RCL1: variants seen among roughly 807,000 people sequenced by gnomAD.
RCL1 encodes RNA 3'-terminal phosphate cyclase-like protein.
Under a neutral mutation model 42.4 loss-of-function variants are expected in RCL1, and 24 were observed. That is an observed-to-expected ratio of 0.57 (90% CI 0.41 to 0.80). The LOEUF (loss-of-function observed/expected upper bound fraction) is 0.80, where lower values mean the gene tolerates loss of function less well. RCL1 is among the 30% of genes least tolerant of loss of function. RCL1 has a pLI of 0.00. For missense variants in RCL1, 578 were observed against 467.9 expected (o/e 1.24, Z -2.17); for synonymous variants, 228 against 177.3 (o/e 1.29, Z -2.27).
chr9:4,810,238 G>A (rs1278014044), intron 1 of RCL1, among the ~76,000 whole-genome samples: 3 of 152,140 alleles, frequency 2.0e-5, no homozygotes, highest in Admixed American at 6.5e-5. Context: ...ACCAATAAAT[G>A]TACAGTTTGA....
At chr9:4,811,688 A>C (rs1156994384) in intron 1 of RCL1, among the ~76,000 whole-genome samples, 3 of 152,140 alleles carry the variant, frequency 2.0e-5, no homozygotes, top group Non-Finnish European at 4.4e-5. Context: ...TCTCATTGAC[A>C]TTGATTTCTT....
At chr9:4,829,877 G>T (rs1199062673) in intron 3 of RCL1, among the ~76,000 whole-genome samples, 1 of 152,166 alleles carries the variant, frequency 6.6e-6, no homozygotes, top group African/African-American at 2.4e-5. Context: ...TTTGGATAAG[G>T]TGTGAGCTTT....
At chr9:4,803,964 T>G (rs921779121) in intron 1 of RCL1, 2 of 152,570 alleles carry the variant, frequency 1.3e-5, no homozygotes, top group Non-Finnish European at 2.9e-5. Flanking sequence ...TTCTCATCTG[T>G]GTAGGTTTGC....
At chr9:4,802,897 T>C (rs933537659) in intron 1 of RCL1, among the ~76,000 whole-genome samples, 1 of 152,236 alleles carries the variant, frequency 6.6e-6, no homozygotes, top group African/African-American at 2.4e-5. Context: ...CTTAGCCTAC[T>C]GCAACCTTGA....
chr9:4,826,689 A>G (rs576154346), intron 2 of RCL1, among the ~76,000 whole-genome samples, 169 bp from the exon 3 acceptor site: 3 of 152,210 alleles, frequency 2.0e-5, no homozygotes, highest in Admixed American at 6.5e-5. Context: ...GGGGCTTGAC[A>G]GTAGTGAGTC....
intron 7 of RCL1, among the ~76,000 whole-genome samples, chr9:4,847,104 C>T (rs940432727): frequency 1.3e-5 from 2 of 152,084 alleles, no homozygotes; most frequent in African/African-American, 2.4e-5. Flanking sequence ...GTCTCGAACT[C>T]CTGACCTCAG....
At chr9:4,828,517 C>T (rs377160430) in intron 3 of RCL1, among the ~76,000 whole-genome samples, 13 of 149,498 alleles carry the variant, frequency 8.7e-5, no homozygotes, top group African/African-American at 2.7e-4. Context: ...AGGAATGTTG[C>T]GTAAACTGTT....
intron 1 of RCL1, among the ~76,000 whole-genome samples, chr9:4,820,724 G>T (rs982604088): frequency 3.3e-5 from 5 of 152,154 alleles, no homozygotes; most frequent in Non-Finnish European, 7.3e-5. Flanking sequence ...GAGCACGTTA[G>T]ATTTTCTATA....
At chr9:4,809,431 T>C (rs1816093822) in intron 1 of RCL1, among the ~76,000 whole-genome samples, 1 of 152,052 alleles carries the variant, frequency 6.6e-6, no homozygotes, top group African/African-American at 2.4e-5. Context: ...TGCCTCAGCC[T>C]CCCAAGTAGC....
At chr9:4,854,301 CT>C in intron 8 of RCL1, among the ~76,000 whole-genome samples, 1 of 152,230 alleles carries the variant, frequency 6.6e-6, no homozygotes, top group Non-Finnish European at 1.5e-5. Context: ...GTCAGCTTGT[CT>C]TTGGAAAAGC....
intron 3 of RCL1, among the ~76,000 whole-genome samples, chr9:4,830,914 A>T (rs1816922105): frequency 6.6e-6 from 1 of 152,148 alleles, no homozygotes; most frequent in Non-Finnish European, 1.5e-5. Context: ...TTTCTCTCTG[A>T]CCGCAGAGTG....
chr9:4,796,448 T>C (rs904829281), intron 1 of RCL1, among the ~76,000 whole-genome samples: 21 of 152,298 alleles, frequency 1.4e-4, no homozygotes, highest in Admixed American at 1.0e-3. Context: ...CTGTCATGAG[T>C]GCAGTGGTGT....
intron 5 of RCL1, among the ~76,000 whole-genome samples, chr9:4,836,917 G>T (rs994773201): frequency 6.6e-6 from 1 of 152,098 alleles, no homozygotes; most frequent in African/African-American, 2.4e-5. Context: ...AGCCTTCCTG[G>T]GTTATGGTCT....
At chr9:4,823,935 A>G (rs1816675754) in intron 2 of RCL1, among the ~76,000 whole-genome samples, 1 of 152,120 alleles carries the variant, frequency 6.6e-6, no homozygotes, top group Non-Finnish European at 1.5e-5. Flanking sequence ...GTTCCGATGG[A>G]AAGACCCAGT....
At chr9:4,855,514 C>G (rs457417) in intron 8 of RCL1, among the ~76,000 whole-genome samples, 1 of 152,028 alleles carries the variant, frequency 6.6e-6, no homozygotes, top group African/African-American at 2.4e-5. Flanking sequence ...GGCTGTGGAG[C>G]AGGACGTGGA....
chr9:4,825,872 T>C (rs965560741), intron 2 of RCL1, among the ~76,000 whole-genome samples: 1 of 151,620 alleles, frequency 6.6e-6, no homozygotes, highest in Non-Finnish European at 1.5e-5. Flanking sequence ...CCCAGCACTT[T>C]GGGAAGCTGA....
intron 8 of RCL1, among the ~76,000 whole-genome samples, chr9:4,859,052 C>T (rs1025908047): frequency 5.9e-5 from 9 of 152,210 alleles, no homozygotes; most frequent in Non-Finnish European, 1.0e-4. Flanking sequence ...TTCACCATAA[C>T]CTTCAGGAAC....
intron 6 of RCL1, 79 bp downstream of exon 6, chr9:4,841,436 C>G: frequency 8.6e-7 from 1 of 1,163,336 alleles, no homozygotes; most frequent in African/African-American, 1.5e-5. Context: ...ACTGCCAGCT[C>G]TGAGGTTGCG....
At chr9:4,844,703 A>T (rs778196833) in intron 7 of RCL1, 22 bp downstream of exon 7, 4 of 1,597,870 alleles carry the variant, frequency 2.5e-6, no homozygotes, top group South Asian at 1.1e-5. Context: ...GCTTCCTCTG[A>T]TAGAGGAGTG....
Sources: allele counts gnomAD v4.1 joint callset (sites outside exome capture counted in the v4.1 genomes callset), GRCh38; gene constraint gnomAD v4.1.1; transcripts MANE v1.5; gene names NCBI Gene and HGNC (gene_info 2026-07-23, HGNC 2026-07-21).